SNX4: variants seen among roughly 807,000 people sequenced by gnomAD.
SNX4 encodes the protein sorting nexin 4.
SNX4 carries 49 observed loss-of-function variants against 70.8 expected under a neutral mutation model. The observed-to-expected ratio is 0.69, with a 90% CI of 0.55 to 0.88. The LOEUF is 0.88. SNX4 is among the 40% of genes least tolerant of loss of function. The pLI is 0.00. For synonymous variants in SNX4, 206 were observed against 183.8 expected, an observed-to-expected ratio of 1.12 and a Z score of -0.98; for missense variants, 528 against 544.8, an observed-to-expected ratio of 0.97 and a Z score of 0.31.
rs1933573555 is a variant in SNX4 at position 125,451,551 on chromosome 3, GT to G, written c.1191-133del. 5.3e-6 allele frequency: 3 copies of G among 568,690 alleles called. No homozygotes were observed. In the South Asian group the frequency reaches 7.9e-5, roughly 15 times the overall value. The allele number at this position is 568,690 out of a possible 1,614,324, so 35.2% of individuals were successfully genotyped here. A position where few individuals can be genotyped will look rare whatever the true frequency, so the allele number is the denominator to read the frequency against. On this transcript the variant is annotated intron_variant, in intron 12 of 13. Transcript: ENST00000251775. ...GAAGAGTTATTGCTTGTATAAGACA[GT>G]TTTTTTATTTTCCTAAAAATTATAG...
At chr3:125,500,091 A>C (rs951132516) in intron 2 of SNX4, among the ~76,000 whole-genome samples, 7 of 151,790 alleles carry the variant, frequency 4.6e-5, no homozygotes, top group Admixed American at 6.6e-5. Flanking sequence ...AAAAAAAAAA[A>C]CCCAAAAAGG....
At chr3:125,467,297 G>C (rs978552267) in intron 9 of SNX4, among the ~76,000 whole-genome samples, 2 of 152,090 alleles carry the variant, frequency 1.3e-5, no homozygotes, top group African/African-American at 4.8e-5. Context: ...TGAGTCAGGA[G>C]AATTGCTTGA....
chr3:125,465,402 C>A (rs1933987192), intron 9 of SNX4, among the ~76,000 whole-genome samples: 1 of 151,676 alleles, frequency 6.6e-6, no homozygotes, highest in Non-Finnish European at 1.5e-5. Flanking sequence ...CCTGCCACCA[C>A]ACCTGGCTAA....
chr3:125,456,342 G>A (rs1933714045), intron 11 of SNX4, among the ~76,000 whole-genome samples: 1 of 152,170 alleles, frequency 6.6e-6, no homozygotes, highest in African/African-American at 2.4e-5. Context: ...AAAGGTCACT[G>A]CATGTTTTTT....
At chr3:125,448,136 C>CTT (rs112025725) in intron 13 of SNX4, among the ~76,000 whole-genome samples, 112 of 143,076 alleles carry the variant, frequency 7.8e-4, no homozygotes, top group African/African-American at 2.7e-3. Context: ...AGTTTTCAGT[C>CTT]TTTTTTTTTT....
In SNX4 at chr3:125,474,072, A is replaced by G. The variant is rs1400516930; in HGVS notation, c.788+2623T>C. On this transcript the variant is annotated intron_variant, in intron 8 of 13. Coordinates refer to ENST00000251775, the MANE Select transcript of SNX4 (RefSeq NM_003794.4). ...ACCCACCATTCCACCTACATTCTCT[A>G]TCACAAATCCTTAGGCACTCAACTG... Among the ~76,000 whole-genome samples the G allele has an allele frequency of 2.6e-5, 4 of 152,120 alleles. No individual in the cohort carries two copies. In the East Asian group the frequency reaches 7.7e-4, roughly 29 times the overall value.
At chr3:125,500,845 T>A (rs1934913356) in intron 2 of SNX4, among the ~76,000 whole-genome samples, 1 of 131,522 alleles carries the variant, frequency 7.6e-6, no homozygotes. Flanking sequence ...CTTTGGAAGC[T>A]AGAGTTAACA....
intron 6 of SNX4, among the ~76,000 whole-genome samples, chr3:125,488,852 C>T (rs539180039): frequency 6.6e-6 from 1 of 152,140 alleles, no homozygotes; most frequent in Non-Finnish European, 1.5e-5. Flanking sequence ...TTGAATTATC[C>T]ACCAAATTTA....
At chr3:125,493,547 G>A (rs991175406) in intron 5 of SNX4, among the ~76,000 whole-genome samples, 2 of 149,412 alleles carry the variant, frequency 1.3e-5, no homozygotes, top group East Asian at 2.0e-4. Flanking sequence ...TCAACTACTC[G>A]GGAGGCTGAG....
chr3:125,506,344 C>CTTTTTTTTT (rs552693772), intron 1 of SNX4, among the ~76,000 whole-genome samples: 5,378 of 137,278 alleles, frequency 0.039, 271 homozygotes, highest in African/African-American at 0.1. Flanking sequence ...TTTTTCATTT[C>CTTTTTTTTT]TTTTTTTTTT....
In SNX4 at chr3:125,520,183, C is replaced by G. The variant is rs757687061; in HGVS notation, c.-11G>C. 1 of 1,182,982 alleles carries G rather than the reference C, an allele frequency of 8.5e-7. No individual in the cohort carries two copies. Among genetic ancestry groups the G allele is most frequent in the African/African-American group, 1.7e-5 (1 of 58,952 alleles). The allele number at this position is 1,182,982 out of a possible 1,614,324, so 73.3% of individuals were successfully genotyped here. On this transcript the variant is annotated 5_prime_UTR_variant, in exon 1 of 14. Transcript: ENST00000251775. ...AGGTGCCTGCTCCATGGCTGCAGTTCGGCGCGGCGAACCCAGTGCGCCTGC... is the reference window on the plus strand; with the variant it reads ...AGGTGCCTGCTCCATGGCTGCAGTTGGGCGCGGCGAACCCAGTGCGCCTGC...
At chr3:125,496,877 C>T (rs1934803764) in intron 5 of SNX4, among the ~76,000 whole-genome samples, 1 of 152,018 alleles carries the variant, frequency 6.6e-6, no homozygotes, top group African/African-American at 2.4e-5. Context: ...TCTCAACAGA[C>T]AGAAGAAGCA....
chr3:125,497,472 C>A, intron 4 of SNX4, 84 bp from the exon 5 acceptor site: 1 of 923,486 alleles, frequency 1.1e-6, no homozygotes, highest in African/African-American at 1.7e-5. Context: ...TCATTCTGTT[C>A]TTACTTCAGC....
chr3:125,457,985 T>A (rs1933766104), intron 10 of SNX4, among the ~76,000 whole-genome samples: 1 of 152,200 alleles, frequency 6.6e-6, no homozygotes, highest in South Asian at 2.1e-4. Context: ...TTTTAATGTA[T>A]GTGAGAACTA....
At chr3:125,461,156 G>A (rs538058905) in intron 9 of SNX4, among the ~76,000 whole-genome samples, 3 of 152,300 alleles carry the variant, frequency 2.0e-5, no homozygotes, top group South Asian at 2.1e-4. Flanking sequence ...AACCCGGGAG[G>A]AGGAGGTTGC....
chr3:125,467,421 A>G (rs1216942115), intron 9 of SNX4, among the ~76,000 whole-genome samples: 4 of 150,850 alleles, frequency 2.7e-5, no homozygotes, highest in Non-Finnish European at 4.5e-5. Context: ...CATAAAAATA[A>G]AGGAGTGGGG....
At chr3:125,475,386 A>T (rs1170303052) in intron 8 of SNX4, among the ~76,000 whole-genome samples, 1 of 151,990 alleles carries the variant, frequency 6.6e-6, no homozygotes, top group African/African-American at 2.4e-5. Context: ...ATTTTTTGAG[A>T]TGGAGTCTCA....
intron 2 of SNX4, among the ~76,000 whole-genome samples, chr3:125,501,340 G>C (rs975907296): frequency 3.3e-5 from 5 of 152,132 alleles, no homozygotes; most frequent in African/African-American, 4.8e-5. Flanking sequence ...GGTCCAGCTG[G>C]GCACATTGGC....
chr3:125,453,871 C>A lies in SNX4; in HGVS notation c.1129G>T (p.Val377Leu). The stretch of plus-strand genomic sequence containing the variant: ...CCTTCATTTATTTGTTCTTCTAGCA[C>A]CTTTATTCTGGCTTCTCTCTGCTCT... ...TPEQREARIKVLEEQINEGEQ... is the reference protein window; with the variant it reads ...TPEQREARIKLLEEQINEGEQ... Residue 377 changes from valine (V) to leucine (L), a missense_variant, in exon 12 of 14, where the codon GTG becomes TTG. By Grantham distance (32) the Val-to-Leu change is conservative. Coordinates refer to ENST00000251775, the MANE Select transcript of SNX4 (RefSeq NM_003794.4). 6.2e-7 allele frequency: 1 copy of A among 1,613,976 alleles called. No homozygotes were observed. The highest frequency in any genetic ancestry group is 2.2e-5 in the East Asian group (1 of 44,862).
Sources: allele counts gnomAD v4.1 joint callset (sites outside exome capture counted in the v4.1 genomes callset), GRCh38; gene constraint gnomAD v4.1.1; transcripts MANE v1.5; gene names NCBI Gene and HGNC (gene_info 2026-07-23, HGNC 2026-07-21).